Variants in NLRC3 observed in about 807,000 individuals in gnomAD.
The protein encoded by NLRC3 is NLR family CARD domain-containing protein 3.
A neutral mutation model predicts 91.6 loss-of-function variants in NLRC3; 87 were observed. That is an observed-to-expected ratio of 0.95 (90% confidence interval 0.80 to 1.14). The LOEUF is 1.14. NLRC3 is among the 50% of genes most tolerant of loss of function. The pLI is 0.00. For synonymous variants in NLRC3, 694 were observed against 625.3 expected, an observed-to-expected ratio of 1.11 and a Z score of -1.64; for missense variants, 1,577 against 1,418.6, an observed-to-expected ratio of 1.11 and a Z score of -1.79.
At chr16:3,557,990 A>C (rs372639120) in intron 6 of NLRC3, among the ~76,000 whole-genome samples, 1 of 152,234 alleles carries the variant, frequency 6.6e-6, no homozygotes, top group Non-Finnish European at 1.5e-5. Flanking sequence ...CGGAAGCCTA[A>C]CATGCAGATG....
In NLRC3 at chr16:3,548,597, C is replaced by T; in HGVS notation, c.2687+73G>A. On this transcript the variant is annotated intron_variant, in intron 14 of 19. Transcript: ENST00000359128. The stretch of plus-strand genomic sequence containing the variant: ...GTCCCCAAACCAGGTGTGGCCTGTG[C>T]ATCGTTGGTTTGGGTGGAGCCCGGC... 2.7e-6 allele frequency: 3 copies of T among 1,131,314 alleles called. No individual in the cohort carries two copies. The South Asian group carries it at 4.2e-5, about 16-fold the overall frequency. The allele number at this position is 1,131,314 out of a possible 1,614,324, so 70.1% of individuals were successfully genotyped here. A position where few individuals can be genotyped will look rare whatever the true frequency, so the allele number is the denominator to read the frequency against.
rs754963952 is a variant in NLRC3, at chr16:3,550,439, C to T, written c.2410G>A (p.Val804Met). Residue 804 changes from valine (V) to methionine (M), a missense_variant, in exon 11 of 20, where the codon GTG becomes ATG. Physicochemically the swap from Val to Met is conservative, Grantham distance 21. Transcript: ENST00000359128. ...TCCAGGCTCTCCAGGCCCTGGTTCA[C>T]CTTCAGGGCCTCAGCCAGGGCCTTG... ...GAKALAEALK[V>M]NQGLESLDLQ... 6 of 1,612,556 alleles carry T rather than the reference C, an allele frequency of 3.7e-6. No individual in the cohort carries two copies. In the South Asian group the frequency reaches 6.6e-5, roughly 18 times the overall value.
At chr16:3,553,919 T>TC (rs990901317) in intron 9 of NLRC3, among the ~76,000 whole-genome samples, 4 of 150,960 alleles carry the variant, frequency 2.6e-5, no homozygotes, top group African/African-American at 9.7e-5. Flanking sequence ...TTTTTTTTTT[T>TC]TTTTTTTAGT....
intron 3 of NLRC3, 65 bp downstream of exon 3, chr16:3,565,254 C>G (rs145641447): frequency 1.4e-6 from 1 of 693,916 alleles, no homozygotes; most frequent in African/African-American, 1.8e-5. Flanking sequence ...AATGATCACA[C>G]GAATGCAGGG....
chr16:3,557,474 A>G, intron 7 of NLRC3, 119 bp downstream of exon 7: 2 of 631,702 alleles, frequency 3.2e-6, no homozygotes, highest in Non-Finnish European at 5.7e-6. Flanking sequence ...CATGGGAATC[A>G]GGGAAGAACA....
intron 1 of NLRC3, among the ~76,000 whole-genome samples, chr16:3,572,303 A>ATT (rs200733386): frequency 3.4e-5 from 5 of 146,132 alleles, no homozygotes; most frequent in South Asian, 4.3e-4. Context: ...GTAGTGGGAA[A>ATT]TTTTTTTTTT....
intron 17 of NLRC3, 122 bp downstream of exon 17, chr16:3,543,303 C>T (rs924256128): frequency 1.4e-6 from 1 of 735,786 alleles, no homozygotes; most frequent in East Asian, 2.8e-5. Flanking sequence ...TATACTTGCA[C>T]TGAAATGAAG....
In NLRC3 at chr16:3,548,061, G is replaced by C; in HGVS notation, c.2771+74C>G. 8 of 1,014,464 alleles carry C rather than the reference G, an allele frequency of 7.9e-6. No individual in the cohort carries two copies. The South Asian group carries it at 9.6e-5, about 12-fold the overall frequency. 62.8% of individuals were successfully genotyped at this position (1,014,464 alleles called of 1,614,324 possible). On this transcript the variant is annotated intron_variant, in intron 15 of 19. Coordinates refer to ENST00000359128, the MANE Select transcript of NLRC3 (RefSeq NM_178844.4). The stretch of plus-strand genomic sequence containing the variant: ...GGGTCACTGGATTGAGCCTCTGCCT[G>C]ATGGGTACCAGGTTTTCAGATTCCC...
rs1406060961 is a variant in NLRC3 at position 3,558,273 on chromosome 16, A to G, written c.2016-597T>C. Among the ~76,000 whole-genome samples, 8 of 152,118 alleles carry G rather than the reference A, an allele frequency of 5.3e-5. No individual in the cohort carries two copies. The South Asian group carries it at 1.5e-3, about 28-fold the overall frequency. On this transcript the variant is annotated intron_variant, in intron 6 of 19. Transcript: ENST00000359128. ...TTTAGCCTAGAAGGTTGAGGCTGCA[A>G]TGAGCCATGATGACATCACTGCGCT...
intron 3 of NLRC3, 57 bp from the exon 4 acceptor site, chr16:3,565,117 G>T: frequency 2.2e-6 from 3 of 1,380,938 alleles, no homozygotes; most frequent in Non-Finnish European, 3.0e-6. Context: ...AGCAGCCTGG[G>T]ACAGGTGAGC....
At chr16:3,553,590 T>C (rs2039124956) in intron 9 of NLRC3, among the ~76,000 whole-genome samples, 1 of 152,172 alleles carries the variant, frequency 6.6e-6, no homozygotes, top group Admixed American at 6.5e-5. Context: ...CTTTCTGTCT[T>C]TACAGTCTCA....
chr16:3,542,091 T>C, intron 19 of NLRC3, 100 bp downstream of exon 19: 2 of 923,564 alleles, frequency 2.2e-6, no homozygotes, highest in South Asian at 2.8e-5. Context: ...ATAGGCCTGC[T>C]GAAGCGTCTG....
chr16:3,550,178 C>T (rs1210914186), intron 11 of NLRC3, among the ~76,000 whole-genome samples: 1 of 152,206 alleles, frequency 6.6e-6, no homozygotes. Context: ...GCCACCCATG[C>T]TGGCTTCTCA....
rs370371750 is a variant in NLRC3 at position 3,554,290 on chromosome 16, C to T, written c.2219G>A (p.Arg740Lys). 6.2e-7 allele frequency: 1 copy of T among 1,613,792 alleles called. No homozygotes were observed. Among genetic ancestry groups the T allele is most frequent in the African/African-American group, 1.3e-5 (1 of 74,932 alleles). Residue 740 changes from arginine (R) to lysine (K), a missense_variant, in exon 9 of 20, where the codon AGG becomes AAG. Arg to Lys is a conservative substitution (Grantham distance 26). Coordinates refer to ENST00000359128, the MANE Select transcript of NLRC3 (RefSeq NM_178844.4). ...GGAGGCCAAGGCCTCAGCCATGGAC[C>T]TGGCACCATCATCCCTAACGGTGTT... is the stretch of plus-strand genomic sequence containing the variant. Reference protein sequence around the residue: ...QGNTVRDDGARSMAEALASNR... With the variant: ...QGNTVRDDGAKSMAEALASNR...
intron 18 of NLRC3, 94 bp from the exon 19 acceptor site, chr16:3,542,368 C>G: frequency 1.2e-6 from 1 of 804,390 alleles, no homozygotes. Context: ...GGGCAGTAAC[C>G]CAGGCAGATG....
intron 8 of NLRC3, 75 bp from the exon 9 acceptor site, chr16:3,554,400 G>C (rs1464631382): frequency 1.0e-5 from 11 of 1,102,936 alleles, no homozygotes; most frequent in Non-Finnish European, 1.5e-5. Flanking sequence ...TCTCTGCAGT[G>C]GGGGCACCTC....
chr16:3,558,902 A>C (rs776605905), intron 6 of NLRC3, among the ~76,000 whole-genome samples: 3 of 151,932 alleles, frequency 2.0e-5, no homozygotes, highest in Non-Finnish European at 4.4e-5. Flanking sequence ...CTCCCAAGTA[A>C]CTGGGACCAG....
At position 3,563,943 on chromosome 16, in the gene NLRC3, A is replaced by G. The variant is rs1308877801; in HGVS notation, c.994T>C (p.Cys332Arg). ...LYLMCTVPAFCRLTGMALGHL... is the reference protein window; with the variant it reads ...LYLMCTVPAFRRLTGMALGHL... ...CCTAGCGCCATCCCCGTGAGCCTGC[A>G]GAAGGCTGGGACGGTGCACATCAGG... The change falls in exon 5 of 20, where the codon TGC becomes CGC. Residue 332 changes from cysteine (C) to arginine (R), a missense_variant. By Grantham distance (180) the Cys-to-Arg change is radical (BLOSUM62 -3). Coordinates refer to ENST00000359128, the MANE Select transcript of NLRC3 (RefSeq NM_178844.4). The G allele has an allele frequency of 6.3e-7, 1 of 1,594,700 alleles. No individual in the cohort carries two copies. Among genetic ancestry groups the G allele is most frequent in the South Asian group, 1.1e-5 (1 of 88,628 alleles).
chr16:3,555,617 T>A (rs2039268535), intron 8 of NLRC3, among the ~76,000 whole-genome samples: 1 of 152,132 alleles, frequency 6.6e-6, no homozygotes, highest in African/African-American at 2.4e-5. Flanking sequence ...TCGCCCAGGC[T>A]GGAGTGCAGT....
Sources: allele counts gnomAD v4.1 joint callset (sites outside exome capture counted in the v4.1 genomes callset), GRCh38; gene constraint gnomAD v4.1.1; transcripts MANE v1.5; gene names NCBI Gene and HGNC (gene_info 2026-07-23, HGNC 2026-07-21).